The following GLIS3 variants were observed in gnomAD, a reference collection of about 807,000 sequenced individuals.
GLIS3 encodes the protein zinc finger protein GLIS3.
Under a neutral mutation model 78.6 loss-of-function variants are expected in GLIS3, and 53 were observed. The ratio of observed to expected loss-of-function variants is 0.67; its 90% CI spans 0.54 to 0.85. The LOEUF (loss-of-function observed/expected upper bound fraction) is 0.85, where lower values mean the gene tolerates loss of function less well. GLIS3 is among the 40% of genes least tolerant of loss of function. GLIS3 has a pLI of 0.00. For synonymous variants in GLIS3, 684 were observed against 509.9 expected, an observed-to-expected ratio of 1.34 and a Z score of -4.60; for missense variants, 1,703 against 1,231.1, an observed-to-expected ratio of 1.38 and a Z score of -5.74.
intron 2 of GLIS3, among the ~76,000 whole-genome samples, chr9:4,206,782 G>C (rs1331534133): frequency 6.6e-6 from 1 of 152,046 alleles, no homozygotes; most frequent in Non-Finnish European, 1.5e-5. Context: ...AGTTTACCAA[G>C]AGCTGAACTG....
At chr9:3,968,072 G>T (rs1478923968) in intron 4 of GLIS3, among the ~76,000 whole-genome samples, 1 of 152,112 alleles carries the variant, frequency 6.6e-6, no homozygotes, top group Non-Finnish European at 1.5e-5. Context: ...TCTGTCCGAA[G>T]GTGTGGGCTA....
intron 4 of GLIS3, among the ~76,000 whole-genome samples, chr9:4,058,832 A>T (rs1449857728): frequency 6.6e-6 from 1 of 152,032 alleles, no homozygotes; most frequent in Admixed American, 6.5e-5. Flanking sequence ...ATACAAAAAA[A>T]TTAGCCGGGT....
intron 4 of GLIS3, among the ~76,000 whole-genome samples, chr9:3,995,089 T>C (rs1163107163): frequency 6.6e-6 from 1 of 152,050 alleles, no homozygotes; most frequent in East Asian, 1.9e-4. Flanking sequence ...AACTTCTACA[T>C]GGCAACAAAG....
At chr9:3,968,954 C>G (rs1818165378) in intron 4 of GLIS3, among the ~76,000 whole-genome samples, 1 of 152,172 alleles carries the variant, frequency 6.6e-6, no homozygotes, top group African/African-American at 2.4e-5. Context: ...AGTCTAGGGA[C>G]AAGACACCCT....
intron 1 of GLIS3, among the ~76,000 whole-genome samples, chr9:4,286,909 T>A (rs1158851208): frequency 6.6e-6 from 1 of 152,216 alleles, no homozygotes; most frequent in Non-Finnish European, 1.5e-5. Context: ...CTACCTGAGC[T>A]GTGAGACCAA....
chr9:3,998,570 T>G (rs1177071429), intron 4 of GLIS3, among the ~76,000 whole-genome samples: 1 of 151,634 alleles, frequency 6.6e-6, no homozygotes, highest in Non-Finnish European at 1.5e-5. Flanking sequence ...TTTGCAGATT[T>G]TTTGTCCTTA....
chr9:4,104,669 C>A (rs1830621918), intron 4 of GLIS3, among the ~76,000 whole-genome samples: 1 of 152,206 alleles, frequency 6.6e-6, no homozygotes, highest in African/African-American at 2.4e-5. Flanking sequence ...CCTCTTCACT[C>A]CACTCCATCC....
chr9:4,053,723 A>AAAAAAAAAAAAAT (rs33993580), intron 4 of GLIS3, among the ~76,000 whole-genome samples: 2 of 151,008 alleles, frequency 1.3e-5, no homozygotes, highest in African/African-American at 4.9e-5. Flanking sequence ...AAAAAAAAAA[A>AAAAAAAAAAAAAT]TTCTGGATAG....
chr9:4,146,694 C>G (rs2380939), intron 2 of GLIS3, among the ~76,000 whole-genome samples: 1 of 152,182 alleles, frequency 6.6e-6, no homozygotes, highest in East Asian at 1.9e-4. Context: ...GCAGTAGGGA[C>G]AGAACCCTGA....
At chr9:4,189,180 G>A (rs1424876616) in intron 2 of GLIS3, among the ~76,000 whole-genome samples, 2 of 151,596 alleles carry the variant, frequency 1.3e-5, no homozygotes, top group Non-Finnish European at 2.9e-5. Flanking sequence ...GTGTCCCAGA[G>A]ATTCTGGTAT....
At chr9:4,055,345 C>A (rs1210207955) in intron 4 of GLIS3, among the ~76,000 whole-genome samples, 2 of 152,160 alleles carry the variant, frequency 1.3e-5, no homozygotes, top group African/African-American at 4.8e-5. Context: ...AGGGTGCCTC[C>A]GTCCATCCCT....
intron 4 of GLIS3, among the ~76,000 whole-genome samples, chr9:4,105,850 C>T (rs574565813): frequency 6.6e-6 from 1 of 152,232 alleles, no homozygotes; most frequent in South Asian, 2.1e-4. Flanking sequence ...CTTTCCAGGA[C>T]ACACAATAGA....
the GLIS3 span, among the ~76,000 whole-genome samples, chr9:4,416,163 G>C: frequency 1.4e-5 from 2 of 145,704 alleles, no homozygotes; most frequent in Admixed American, 7.1e-5. Flanking sequence ...AAGGCAAGAG[G>C]ATCGCTTGAG....
rs902489232 is a variant in GLIS3 at position 4,247,024 on chromosome 9, TA to T, written c.388+39013del. On this transcript the variant is annotated intron_variant, in intron 2 of 10. Coordinates refer to ENST00000381971, the MANE Select transcript of GLIS3 (RefSeq NM_001042413.2). ...AATTGTCTGTTCCACATTTTTTCAC[TA>T]GAACAACTGAGTTTTTAAACCACTC... is the stretch of plus-strand genomic sequence containing the variant. Among the ~76,000 whole-genome samples, 32 of 152,334 alleles carry T rather than the reference TA, an allele frequency of 2.1e-4. 1 individual carries two copies. The South Asian group carries it at 2.9e-3, about 14-fold the overall frequency.
intron 2 of GLIS3, among the ~76,000 whole-genome samples, chr9:4,261,710 G>A (rs879495091): frequency 6.6e-6 from 1 of 152,110 alleles, no homozygotes; most frequent in Non-Finnish European, 1.5e-5. Flanking sequence ...CTTTGTCAAT[G>A]GCCATAAACC....
chr9:4,389,827 T>G, the GLIS3 span, among the ~76,000 whole-genome samples: 1 of 152,168 alleles, frequency 6.6e-6, no homozygotes, highest in Non-Finnish European at 1.5e-5. Context: ...TGTTGAACAT[T>G]TGCTATATTT....
intron 4 of GLIS3, among the ~76,000 whole-genome samples, chr9:4,046,087 T>C (rs1825225367): frequency 1.3e-5 from 2 of 152,338 alleles, no homozygotes; most frequent in African/African-American, 2.4e-5. Context: ...TTCATTTATA[T>C]TGCTGTACCA....
At chr9:4,234,278 T>A (rs1392357700) in intron 2 of GLIS3, among the ~76,000 whole-genome samples, 1 of 152,214 alleles carries the variant, frequency 6.6e-6, no homozygotes, top group Admixed American at 6.5e-5. Context: ...CTTAAGCATT[T>A]CTAGCTTTTG....
rs77941178 is a variant in GLIS3 at position 4,163,740 on chromosome 9, C to T, written c.389-37799G>A. 7.6e-3 allele frequency among the ~76,000 whole-genome samples: 1,162 copies of T among 152,300 alleles called. 14 individuals are homozygous for T. The highest frequency in any genetic ancestry group is 0.027 in the African/African-American group (1,117 of 41,548). On this transcript the variant is annotated intron_variant, in intron 2 of 10. Coordinates refer to ENST00000381971, the MANE Select transcript of GLIS3 (RefSeq NM_001042413.2). ...CAGCCACATAGTATTTAGTATCTCACAGGATTCTTGAGAAAATTAGGTATG... is the reference window on the plus strand; with the variant it reads ...CAGCCACATAGTATTTAGTATCTCATAGGATTCTTGAGAAAATTAGGTATG...
Sources: gnomAD v4.1 joint callset for allele counts (sites outside exome capture counted in the v4.1 genomes callset) on GRCh38, gnomAD v4.1.1 for gene constraint, MANE v1.5 for transcripts, NCBI Gene and HGNC (gene_info 2026-07-23, HGNC 2026-07-21) for gene names.